Variants in MAPKAP1 observed in about 807,000 individuals in gnomAD.
MAPKAP1 encodes the protein target of rapamycin complex 2 subunit MAPKAP1.
Under a neutral mutation model 65.7 loss-of-function variants are expected in MAPKAP1, and 20 were observed. That is an observed-to-expected ratio of 0.30 (90% CI 0.21 to 0.44). MAPKAP1 has a LOEUF of 0.44. Ranked by LOEUF, MAPKAP1 falls within the 20% of genes least tolerant of loss-of-function variation. The pLI is 1.00. For missense variants in MAPKAP1, 423 were observed against 648.0 expected (o/e 0.65, Z 3.77); for synonymous variants, 222 against 244.3 (o/e 0.91, Z 0.85).
intron 9 of MAPKAP1, among the ~76,000 whole-genome samples, chr9:125,473,234 C>T (rs971954808): frequency 6.6e-6 from 1 of 152,086 alleles, no homozygotes; most frequent in South Asian, 2.1e-4. Flanking sequence ...TTCTTTCCAG[C>T]TCAGGCAGGT....
intron 5 of MAPKAP1, among the ~76,000 whole-genome samples, chr9:125,581,403 G>A (rs965412693): frequency 1.3e-5 from 2 of 152,204 alleles, no homozygotes; most frequent in African/African-American, 2.4e-5. Flanking sequence ...TTCTAATAGC[G>A]TGTGGTTTTA....
chr9:125,547,493 A>C (rs1830461536), intron 6 of MAPKAP1, among the ~76,000 whole-genome samples: 1 of 152,238 alleles, frequency 6.6e-6, no homozygotes, highest in African/African-American at 2.4e-5. Flanking sequence ...CACAAGCATG[A>C]AACAGACAAT....
chr9:125,458,267 G>A (rs1589209077), intron 10 of MAPKAP1, among the ~76,000 whole-genome samples: 1 of 151,316 alleles, frequency 6.6e-6, no homozygotes, highest in East Asian at 1.9e-4. Context: ...CTCGCAGAGT[G>A]GGATTTGGCA....
intron 1 of MAPKAP1, among the ~76,000 whole-genome samples, chr9:125,694,449 G>C (rs761975712): frequency 1.3e-5 from 2 of 152,026 alleles, no homozygotes; most frequent in African/African-American, 4.8e-5. Flanking sequence ...ATACCAATAC[G>C]ATCAAAAGAA....
At chr9:125,462,816 C>T (rs1265496772) in intron 10 of MAPKAP1, among the ~76,000 whole-genome samples, 12 of 152,200 alleles carry the variant, frequency 7.9e-5, no homozygotes. Context: ...AAACTACACA[C>T]AAGCATTTCA....
chr9:125,574,341 T>C (rs1831328222), intron 5 of MAPKAP1, among the ~76,000 whole-genome samples: 2 of 152,224 alleles, frequency 1.3e-5, no homozygotes. Context: ...AAAGCACTTA[T>C]GGTATTGATG....
Position 125,542,970 on chromosome 9 carries a change from T to C in MAPKAP1, c.958+89A>G, listed in dbSNP as rs572580021. On this transcript the variant is annotated intron_variant, in intron 7 of 11. Coordinates refer to ENST00000265960, the MANE Select transcript of MAPKAP1 (RefSeq NM_001006617.3). ...TCTAGCAATGACATCTGAAAGAATC[T>C]AGCCAGCCATCACACACACACACCC... 11 of 897,202 alleles carry C rather than the reference T, an allele frequency of 1.2e-5. No individual in the cohort carries two copies. In the African/African-American group the frequency reaches 1.8e-4, roughly 15 times the overall value. The allele number at this position is 897,202 out of a possible 1,614,324, so 55.6% of individuals were successfully genotyped here.
intron 10 of MAPKAP1, among the ~76,000 whole-genome samples, chr9:125,463,508 G>A (rs1853574517): frequency 6.6e-6 from 1 of 152,200 alleles, no homozygotes; most frequent in African/African-American, 2.4e-5. Flanking sequence ...TCACCAATAA[G>A]CCCAGCTCAT....
chr9:125,446,320 A>C (rs887136465), intron 10 of MAPKAP1, among the ~76,000 whole-genome samples: 7 of 152,164 alleles, frequency 4.6e-5, no homozygotes, highest in Admixed American at 1.3e-4. Flanking sequence ...TTTCTGAAAA[A>C]CCTCACTTTC....
intron 11 of MAPKAP1, among the ~76,000 whole-genome samples, chr9:125,441,723 C>T (rs1478797875): frequency 2.0e-5 from 3 of 152,196 alleles, no homozygotes; most frequent in Non-Finnish European, 4.4e-5. Flanking sequence ...TCCCAAGCTC[C>T]CGGACACAGG....
At chr9:125,529,823 C>T (rs1829883801) in intron 7 of MAPKAP1, among the ~76,000 whole-genome samples, 2 of 152,220 alleles carry the variant, frequency 1.3e-5, no homozygotes, top group Non-Finnish European at 2.9e-5. Flanking sequence ...AATCCAATGC[C>T]ATTTTCCTGA....
At chr9:125,478,098 G>A (rs1437787882) in intron 9 of MAPKAP1, 2 of 152,144 alleles carry the variant, frequency 1.3e-5, no homozygotes, top group Non-Finnish European at 2.9e-5. Flanking sequence ...GATGGGTAGG[G>A]GTTGCTTATA....
At chr9:125,505,516 G>A (rs977504885) in intron 8 of MAPKAP1, among the ~76,000 whole-genome samples, 5 of 152,120 alleles carry the variant, frequency 3.3e-5, no homozygotes, top group Admixed American at 6.6e-5. Context: ...AAACACACGC[G>A]ACGGAGAAAA....
chr9:125,554,794 C>CAAAAAAAAAAAA (rs56911891), intron 6 of MAPKAP1, among the ~76,000 whole-genome samples: 3 of 65,622 alleles, frequency 4.6e-5, no homozygotes, highest in African/African-American at 1.3e-4. Context: ...AGACACTTAT[C>CAAAAAAAAAAAA]AAAAAAAAAA....
chr9:125,577,128 G>C (rs1247694496), intron 5 of MAPKAP1, among the ~76,000 whole-genome samples: 2 of 151,776 alleles, frequency 1.3e-5, no homozygotes, highest in Non-Finnish European at 2.9e-5. Context: ...GTCTCTGCCC[G>C]GCCGCCCATC....
chr9:125,507,332 C>A (rs529679583), intron 7 of MAPKAP1, among the ~76,000 whole-genome samples: 1 of 152,292 alleles, frequency 6.6e-6, no homozygotes, highest in South Asian at 2.1e-4. Context: ...GGATTAGAGG[C>A]ATAAGAAACT....
At chr9:125,485,987 T>C (rs897314785) in intron 8 of MAPKAP1, among the ~76,000 whole-genome samples, 2 of 152,244 alleles carry the variant, frequency 1.3e-5, no homozygotes, top group African/African-American at 4.8e-5. Context: ...TGCTTAGTGG[T>C]TGCTCTGTCC....
rs151292562 is a variant in MAPKAP1, at chr9:125,604,850, T to C, written c.499-19123A>G. Among the ~76,000 whole-genome samples the C allele has an allele frequency of 4.3e-3, 661 of 152,340 alleles. 7 individuals are homozygous for C. Among genetic ancestry groups the C allele is most frequent in the African/African-American group, 0.015 (632 of 41,582 alleles). On this transcript the variant is annotated intron_variant, in intron 4 of 11. Coordinates refer to ENST00000265960, the MANE Select transcript of MAPKAP1 (RefSeq NM_001006617.3). ...CAATTTTAATGCCAATGTCATCTCT[T>C]GAACAAGTCAATTAGACATTTATTC...
At chr9:125,490,811 A>G (rs996524200) in intron 8 of MAPKAP1, among the ~76,000 whole-genome samples, 2 of 152,254 alleles carry the variant, frequency 1.3e-5, no homozygotes, top group Admixed American at 1.3e-4. Flanking sequence ...GAAACTTGCA[A>G]TATAATAAAA....
Sources: allele counts gnomAD v4.1 joint callset (sites outside exome capture counted in the v4.1 genomes callset), GRCh38; gene constraint gnomAD v4.1.1; transcripts MANE v1.5; gene names NCBI Gene and HGNC (gene_info 2026-07-23, HGNC 2026-07-21).